Variants in KBTBD11 observed in about 807,000 individuals in gnomAD.
KBTBD11 encodes the protein kelch repeat and BTB domain-containing protein 11.
For missense variants in KBTBD11, 1,390 were observed against 1,001.8 expected, an observed-to-expected ratio of 1.39 and a Z score of -5.23; for synonymous variants, 747 against 499.0, an observed-to-expected ratio of 1.50 and a Z score of -6.63.
intron 1 of KBTBD11, chr8:1,974,694 G>T: frequency 1.0e-6 from 1 of 985,464 alleles, no homozygotes; most frequent in Non-Finnish European, 1.2e-6. Context: ...CGGGCGGTCT[G>T]GGCGGGATTC....
intron 1 of KBTBD11, among the ~76,000 whole-genome samples, chr8:1,977,738 G>A (rs970006652): frequency 2.6e-5 from 4 of 152,034 alleles, no homozygotes; most frequent in Non-Finnish European, 4.4e-5. Context: ...GTCTCAGCAT[G>A]TTAGCCAGGC....
intron 1 of KBTBD11, among the ~76,000 whole-genome samples, chr8:1,980,088 C>T (rs897460262): frequency 6.6e-6 from 1 of 152,274 alleles, no homozygotes; most frequent in East Asian, 1.9e-4. Flanking sequence ...CTATGAATCT[C>T]TTGGGATTTG....
intron 1 of KBTBD11, among the ~76,000 whole-genome samples, chr8:1,987,885 T>TCCCCAGCC (rs1816757070): frequency 6.6e-6 from 1 of 151,900 alleles, no homozygotes. Context: ...CTCCCCCAGC[T>TCCCCAGCC]CCCCAGCCCC....
intron 1 of KBTBD11, among the ~76,000 whole-genome samples, chr8:1,997,649 C>G (rs926535761): frequency 6.6e-6 from 1 of 152,240 alleles, no homozygotes; most frequent in Non-Finnish European, 1.5e-5. Flanking sequence ...TACTCAACAG[C>G]GTAGCTGAAG....
chr8:2,001,210 C>G lies in KBTBD11; in HGVS notation c.18C>G (p.Ala6=). ...GCCCGGCCATGGAGCACGCGGTGGC[C>G]CCCTGCGTCCTCTACCCAGGGACTG... is the stretch of plus-strand genomic sequence containing the variant. MEHAV[A]PCVLYPGTEP... Residue 6 remains alanine, a synonymous_variant, in exon 2 of 2, where the codon GCC becomes GCG. Transcript: ENST00000320248. 1 of 1,396,796 alleles carries G rather than the reference C, an allele frequency of 7.2e-7. No individual in the cohort carries two copies. The highest frequency in any genetic ancestry group is 3.0e-5 in the East Asian group (1 of 33,430). The allele number at this position is 1,396,796 out of a possible 1,614,324, so 86.5% of individuals were successfully genotyped here.
chr8:1,990,187 G>A (rs1046774838), intron 1 of KBTBD11, among the ~76,000 whole-genome samples: 3 of 152,164 alleles, frequency 2.0e-5, no homozygotes, highest in Non-Finnish European at 1.5e-5. Context: ...TGTCTGGGTA[G>A]ATGCTGGGCC....
At chr8:1,992,410 C>G (rs547409919) in intron 1 of KBTBD11, among the ~76,000 whole-genome samples, 1 of 151,754 alleles carries the variant, frequency 6.6e-6, no homozygotes, top group Non-Finnish European at 1.5e-5. Flanking sequence ...AAGGGCCAGA[C>G]GGATGCCAGG....
chr8:2,002,778 G>A lies in KBTBD11; in HGVS notation c.1586G>A (p.Cys529Tyr), dbSNP rs776880069. The change falls in exon 2 of 2, where the codon TGC becomes TAC. Residue 529 changes from cysteine to tyrosine, a missense_variant. By Grantham distance (194) the Cys-to-Tyr change is radical. Transcript: ENST00000320248. This position sits in a 1 kb window ranked among gnomAD's most constrained non-coding sequence, Gnocchi z 4.1. ...GGGGTCAGCGTGTCCCGATACCACT[G>A]CCTGGCCAAGCAGTGGAGCCCGTGC... ...PSGVSVSRYH[C>Y]LAKQWSPCVA... 1.0e-4 allele frequency: 149 copies of A among 1,470,156 alleles called. No individual in the cohort carries two copies. The highest frequency in any genetic ancestry group is 1.3e-4 in the Non-Finnish European group (141 of 1,118,696). The allele number at this position is 1,470,156 out of a possible 1,614,324, so 91.1% of individuals were successfully genotyped here. A position where few individuals can be genotyped will look rare whatever the true frequency, so the allele number is the denominator to read the frequency against.
intron 1 of KBTBD11, among the ~76,000 whole-genome samples, chr8:1,994,173 C>A (rs1817046449): frequency 6.6e-6 from 1 of 152,162 alleles, no homozygotes; most frequent in Non-Finnish European, 1.5e-5. Flanking sequence ...CCAATTAAGT[C>A]CTGCTAGGAG....
chr8:1,986,908 C>T (rs981626265), intron 1 of KBTBD11, among the ~76,000 whole-genome samples: 2 of 150,828 alleles, frequency 1.3e-5, no homozygotes, highest in Non-Finnish European at 2.9e-5. Flanking sequence ...CGTGGTGCCT[C>T]ACTCCTGTAA....
In KBTBD11 at chr8:1,973,726, G is replaced by A; in HGVS notation, c.-1118G>A. Reference sequence around the variant, plus strand: ...CCTGGAGCCGGAGCGCTGGCTCCGCGCGGCCTGGAGAGGCGGAGAGGCCTG... The same window carrying A: ...CCTGGAGCCGGAGCGCTGGCTCCGCACGGCCTGGAGAGGCGGAGAGGCCTG... On this transcript the variant is annotated 5_prime_UTR_variant, in exon 1 of 2. Coordinates refer to ENST00000320248, the MANE Select transcript of KBTBD11 (RefSeq NM_014867.3). 1.0e-6 allele frequency: 1 copy of A among 983,796 alleles called. No homozygotes were observed. The highest frequency in any genetic ancestry group is 1.2e-6 in the Non-Finnish European group (1 of 829,350). The allele number at this position is 983,796 out of a possible 1,614,324, so 60.9% of individuals were successfully genotyped here.
rs1279685425 is a variant in KBTBD11, at chr8:2,002,185, C to A, written c.993C>A (p.His331Gln). The A allele has an allele frequency of 8.0e-7, 1 of 1,246,762 alleles. No homozygotes were observed. The highest frequency in any genetic ancestry group is 2.8e-5 in the South Asian group (1 of 36,052). The allele number at this position is 1,246,762 out of a possible 1,614,324, so 77.2% of individuals were successfully genotyped here. ...GGGACGCGGCCGTCTACTGCTTCCA[C>A]GCGGCGGCCGGAGAGTGGCGCGAGC... ...ARGDAAVYCF[H>Q]AAAGEWRELT... The change falls in exon 2 of 2, where the codon CAC (histidine) becomes CAA (glutamine). Residue 331 changes from histidine (H) to glutamine (Q), a missense_variant. By Grantham distance (24) the His-to-Gln change is conservative. Coordinates refer to ENST00000320248, the MANE Select transcript of KBTBD11 (RefSeq NM_014867.3). This position sits in a 1 kb window ranked among gnomAD's most constrained non-coding sequence, Gnocchi z 4.1.
At chr8:1,991,357 C>T (rs567467070) in intron 1 of KBTBD11, among the ~76,000 whole-genome samples, 12 of 152,366 alleles carry the variant, frequency 7.9e-5, no homozygotes, top group East Asian at 7.7e-4. Flanking sequence ...AATCCCCGCA[C>T]GCTAGCCTAA....
At chr8:1,993,365 C>CCAT (rs1563371805) in intron 1 of KBTBD11, among the ~76,000 whole-genome samples, 1 of 82,816 alleles carries the variant, frequency 1.2e-5, no homozygotes, top group Non-Finnish European at 2.4e-5. Context: ...ATCGGTCCAT[C>CCAT]CGTCCGTCCG....
chr8:1,983,085 A>G (rs1340112976), intron 1 of KBTBD11, among the ~76,000 whole-genome samples: 1 of 152,104 alleles, frequency 6.6e-6, no homozygotes, highest in African/African-American at 2.4e-5. Context: ...CCCTCCTGCC[A>G]CATGTTGGGT....
intron 1 of KBTBD11, among the ~76,000 whole-genome samples, chr8:1,979,858 C>G (rs2129308762): frequency 6.6e-6 from 1 of 152,356 alleles, no homozygotes; most frequent in South Asian, 2.1e-4. Context: ...CTTCCACACT[C>G]CTGGCTGCAC....
chr8:2,001,124 C>A lies in KBTBD11; in HGVS notation c.-69C>A. ...TGAGGCTGGAAACCCCGGAGTAAGG[C>A]TCGACCTTGGCCAGACCTGCAGGCT... On this transcript the variant is annotated 5_prime_UTR_variant, in exon 2 of 2. Transcript: ENST00000320248. The A allele has an allele frequency of 7.9e-7, 1 of 1,269,588 alleles. No homozygotes were observed. Among genetic ancestry groups the A allele is most frequent in the Non-Finnish European group, 9.9e-7 (1 of 1,008,266 alleles). 78.6% of individuals were successfully genotyped at this position (1,269,588 alleles called of 1,614,324 possible).
At chr8:1,995,479 A>G (rs565175535) in intron 1 of KBTBD11, among the ~76,000 whole-genome samples, 4 of 152,138 alleles carry the variant, frequency 2.6e-5, no homozygotes, top group South Asian at 2.1e-4. Flanking sequence ...GCACATTTTC[A>G]TGGTCCCTTT....
chr8:2,006,032 C>T lies in KBTBD11; in HGVS notation c.*2968C>T, dbSNP rs565285616. The T allele has an allele frequency of 1.2e-5, 2 of 167,208 alleles. No homozygotes were observed. The highest frequency in any genetic ancestry group is 2.1e-4 in the South Asian group (1 of 4,830). 10.4% of individuals were successfully genotyped at this position (167,208 alleles called of 1,614,324 possible). ...CTTTGTAGAGCTGGATTTGGAACTT[C>T]GGGATTTGGTTTCTGAGTCTGTGGA... On this transcript the variant is annotated 3_prime_UTR_variant, in exon 2 of 2. Transcript: ENST00000320248.
Sources: allele counts gnomAD v4.1 joint callset (sites outside exome capture counted in the v4.1 genomes callset), GRCh38; gene constraint gnomAD v4.1.1; non-coding constraint Gnocchi (gnomAD v3.1); transcripts MANE v1.5; gene names NCBI Gene and HGNC (gene_info 2026-07-23, HGNC 2026-07-21).